CALCRL: variants seen among roughly 807,000 people sequenced by gnomAD.
The protein encoded by CALCRL is calcitonin receptor like receptor, also known as calcitonin gene-related peptide type 1 receptor.
In CALCRL, 27 loss-of-function variants were observed where a neutral mutation model predicts 60.4. The ratio of observed to expected loss-of-function variants is 0.45; its 90% CI spans 0.33 to 0.62. The LOEUF (loss-of-function observed/expected upper bound fraction) is 0.62. Ranked by LOEUF, CALCRL falls within the 20% of genes least tolerant of loss-of-function variation. The pLI, the probability that CALCRL is intolerant of heterozygous loss-of-function variation, is 0.03. For missense variants in CALCRL, 424 were observed against 540.7 expected, an observed-to-expected ratio of 0.78 and a Z score of 2.14; for synonymous variants, 190 against 182.6, an observed-to-expected ratio of 1.04 and a Z score of -0.33.
At chr2:187,388,620 A>T (rs1177100788) in intron 1 of CALCRL, among the ~76,000 whole-genome samples, 1 of 152,134 alleles carries the variant, frequency 6.6e-6, no homozygotes, top group Non-Finnish European at 1.5e-5. Context: ...AATTTAATCT[A>T]ACCTAATGAA....
chr2:187,373,833 A>C (rs555919040), intron 8 of CALCRL, among the ~76,000 whole-genome samples: 2 of 152,270 alleles, frequency 1.3e-5, no homozygotes, highest in East Asian at 3.9e-4. Context: ...AGTAAGTGAC[A>C]AAGTGGAATT....
In CALCRL at chr2:187,342,562, A is replaced by C. The variant is rs1416450599; in HGVS notation, c.*3622T>G. On this transcript the variant is annotated 3_prime_UTR_variant, in exon 15 of 15. Transcript: ENST00000392370. The stretch of plus-strand genomic sequence containing the variant: ...ACTAGCAATATTTTTAATCAAGAAT[A>C]TTCTTTCTTTGAGATTAGTATAATC... Among the ~76,000 whole-genome samples the C allele has an allele frequency of 1.3e-5, 2 of 151,630 alleles. No individual in the cohort carries two copies. The highest frequency in any genetic ancestry group is 4.8e-5 in the African/African-American group (2 of 41,412).
intron 8 of CALCRL, among the ~76,000 whole-genome samples, chr2:187,367,595 C>G (rs1303937795): frequency 6.6e-6 from 1 of 151,928 alleles, no homozygotes; most frequent in Non-Finnish European, 1.5e-5. Context: ...AAATGAAGCC[C>G]TAAAATATTT....
At chr2:187,366,558 G>C (rs1687299485) in intron 8 of CALCRL, among the ~76,000 whole-genome samples, 1 of 151,792 alleles carries the variant, frequency 6.6e-6, no homozygotes, top group South Asian at 2.1e-4. Flanking sequence ...CAATTAAAAA[G>C]TGAAATAAAA....
At chr2:187,373,451 T>A (rs954634155) in intron 8 of CALCRL, among the ~76,000 whole-genome samples, 1 of 152,216 alleles carries the variant, frequency 6.6e-6, no homozygotes, top group African/African-American at 2.4e-5. Context: ...TAATTTTGTT[T>A]ATAAAAATGT....
At chr2:187,371,972 G>C (rs1687545534) in intron 8 of CALCRL, among the ~76,000 whole-genome samples, 1 of 152,086 alleles carries the variant, frequency 6.6e-6, no homozygotes, top group African/African-American at 2.4e-5. Context: ...GTTAAATTGA[G>C]AATGCTTTGG....
chr2:187,352,032 C>A, intron 13 of CALCRL, 71 bp from the exon 14 acceptor site: 1 of 1,524,798 alleles, frequency 6.6e-7, no homozygotes, highest in Non-Finnish European at 9.1e-7. Flanking sequence ...AATAGCTGTA[C>A]AAGTAGTCAG....
At chr2:187,377,028 G>A (rs1226450137) in intron 8 of CALCRL, among the ~76,000 whole-genome samples, 1 of 152,078 alleles carries the variant, frequency 6.6e-6, no homozygotes, top group Non-Finnish European at 1.5e-5. Context: ...CACTGAGGAA[G>A]TGATGCTAAA....
intron 1 of CALCRL, among the ~76,000 whole-genome samples, chr2:187,404,006 C>T (rs981208765): frequency 2.6e-5 from 4 of 151,916 alleles, no homozygotes; most frequent in African/African-American, 9.7e-5. Context: ...TGAGCCTAAC[C>T]TTTACCAAGT....
chr2:187,402,920 T>C (rs1037703212), intron 1 of CALCRL, among the ~76,000 whole-genome samples: 18 of 151,604 alleles, frequency 1.2e-4, no homozygotes, highest in Non-Finnish European at 4.4e-5. Context: ...TTTTGGGAGA[T>C]AATTGGGTTT....
rs561878900 is a variant in CALCRL at position 187,358,931 on chromosome 2, A to G, written c.909+132T>C. 40 of 769,678 alleles carry G rather than the reference A, an allele frequency of 5.2e-5. 2 individuals are homozygous for G. In the South Asian group the frequency reaches 5.8e-4, roughly 11 times the overall value. 47.7% of individuals were successfully genotyped at this position (769,678 alleles called of 1,614,324 possible). A position where few individuals can be genotyped will look rare whatever the true frequency, so the allele number is the denominator to read the frequency against. On this transcript the variant is annotated intron_variant, in intron 12 of 14. Transcript: ENST00000392370. ...AGATATGATACCTTCACTAAACGCT[A>G]TTCATTTAAGCACTGTGAACATGCA... is the stretch of plus-strand genomic sequence containing the variant.
intron 1 of CALCRL, among the ~76,000 whole-genome samples, chr2:187,414,095 A>G (rs17367055): frequency 0.29 from 43,784 of 152,060 alleles, 6,608 homozygotes; most frequent in Middle Eastern, 0.42. Context: ...AGGCATTACT[A>G]TAATGAAAAT....
chr2:187,406,174 AACCAAACACAACC>A (rs1235357033), intron 1 of CALCRL, among the ~76,000 whole-genome samples: 5 of 121,824 alleles, frequency 4.1e-5, no homozygotes, highest in Non-Finnish European at 6.8e-5. Context: ...AAACAAACCA[AACCAAACACAACC>A]AAAAAAAAAA....
At chr2:187,347,345 C>A (rs1432823874) in intron 14 of CALCRL, among the ~76,000 whole-genome samples, 1 of 151,792 alleles carries the variant, frequency 6.6e-6, no homozygotes, top group Non-Finnish European at 1.5e-5. Context: ...ATCCTTGTGA[C>A]CCGATCTATA....
At chr2:187,380,981 C>G (rs1448821604) in intron 5 of CALCRL, among the ~76,000 whole-genome samples, 194 bp from the exon 6 acceptor site, 2 of 151,850 alleles carry the variant, frequency 1.3e-5, no homozygotes, top group Non-Finnish European at 2.9e-5. Flanking sequence ...CAATTAAATT[C>G]TAAATTAAAT....
At chr2:187,409,249 C>T (rs959532841) in intron 1 of CALCRL, among the ~76,000 whole-genome samples, 7 of 151,954 alleles carry the variant, frequency 4.6e-5, no homozygotes, top group African/African-American at 7.3e-5. Context: ...TGCTTTGATT[C>T]GGGGAATAAC....
chr2:187,418,633 A>G (rs1390610266), intron 1 of CALCRL, among the ~76,000 whole-genome samples: 2 of 152,148 alleles, frequency 1.3e-5, no homozygotes, highest in Non-Finnish European at 2.9e-5. Flanking sequence ...CATAGTAGAC[A>G]TTGGAAGATT....
At chr2:187,380,630 T>C (rs1342500837) in intron 6 of CALCRL, 47 bp downstream of exon 6, 6 of 1,570,982 alleles carry the variant, frequency 3.8e-6, no homozygotes, top group South Asian at 2.2e-5. Flanking sequence ...ACCTAGGATT[T>C]ATTAAATAGA....
At chr2:187,434,971 G>A (rs144467208) in intron 1 of CALCRL, among the ~76,000 whole-genome samples, 9 of 152,298 alleles carry the variant, frequency 5.9e-5, no homozygotes, top group Non-Finnish European at 1.3e-4. Context: ...GAAATGATTA[G>A]TACAAGCTTA....
Sources: gnomAD v4.1 joint callset for allele counts (sites outside exome capture counted in the v4.1 genomes callset) on GRCh38, gnomAD v4.1.1 for gene constraint, MANE v1.5 for transcripts, NCBI Gene and HGNC (gene_info 2026-07-23, HGNC 2026-07-21) for gene names.